The following INF2 variants were observed in gnomAD, a reference collection of about 807,000 sequenced individuals.
INF2 encodes inverted formin-2.
A neutral mutation model predicts 123.5 loss-of-function variants in INF2; 43 were observed. The ratio of observed to expected loss-of-function variants is 0.35; its 90% CI spans 0.27 to 0.45. The LOEUF is 0.45. Among genes scored for constraint, INF2 ranks in the 20% least tolerant of loss-of-function variants. The pLI is 1.00. For missense variants in INF2, 1,453 were observed against 1,682.7 expected, an observed-to-expected ratio of 0.86 and a Z score of 2.39; for synonymous variants, 851 against 745.0, an observed-to-expected ratio of 1.14 and a Z score of -2.32.
chr14:104,698,189 G>A (rs1889286069), intron 1 of INF2, among the ~76,000 whole-genome samples: 3 of 152,254 alleles, frequency 2.0e-5, no homozygotes, highest in African/African-American at 7.2e-5. Context: ...CTGCCCAGGG[G>A]CACACAGCTC....
intron 19 of INF2, 28 bp from the exon 20 acceptor site, chr14:104,713,417 C>T (rs199895122): frequency 1.8e-5 from 29 of 1,602,650 alleles, no homozygotes; most frequent in East Asian, 4.5e-5. Context: ...GGTCCCATGC[C>T]GCTCTCTGAG....
chr14:104,681,566 T>A (rs1480799007), exon 1 of INF2: 1 of 1,288,986 alleles, frequency 7.8e-7, no homozygotes, highest in Middle Eastern at 2.1e-4. Context: ...CCACTTCAAT[T>A]GGAAAATATG....
chr14:104,706,258 T>C (rs188871522), intron 6 of INF2, 82 bp downstream of exon 6: 2 of 1,410,682 alleles, frequency 1.4e-6, no homozygotes, highest in Non-Finnish European at 1.9e-6. Flanking sequence ...CCTGGAACGG[T>C]CCTCCCTGCC....
Position 104,703,454 on chromosome 14 carries a change from G to A in INF2, c.667G>A (p.Gly223Arg), listed in dbSNP as rs1209201341. 5 of 1,611,558 alleles carry A rather than the reference G, an allele frequency of 3.1e-6. No individual in the cohort carries two copies. Among genetic ancestry groups the A allele is most frequent in the African/African-American group, 1.3e-5 (1 of 74,922 alleles). ...CACCCAGCTGCGGAACGAGTTTATC[G>A]GTAAGCACCTGCCCTGGGCCGCATG... ...ARTQLRNEFI[G>R]LQLLDVLARL... Residue 223 changes from glycine to arginine, a missense_variant and splice_region_variant, in exon 4 of 23, where the codon GGG (glycine) becomes AGG (arginine). Physicochemically the swap from Gly to Arg is moderately radical, Grantham distance 125. Transcript: ENST00000392634.
At chr14:104,718,055 T>A (rs1890396436) in intron 22 of INF2, among the ~76,000 whole-genome samples, 1 of 152,242 alleles carries the variant, frequency 6.6e-6, no homozygotes, top group Non-Finnish European at 1.5e-5. Flanking sequence ...CGGGCCTTGG[T>A]CTTGGCCATT....
rs977001355 is a variant in INF2 at position 104,712,425 on chromosome 14, C to T, written c.2490-8C>T. ...TGCTGTCTCTGCCCGGCCCTCCTCA[C>T]CTTTCAGGATCAACCTGGAGATCAT... On this transcript the variant is annotated splice_region_variant and splice_polypyrimidine_tract_variant and intron_variant, in intron 16 of 22. Coordinates refer to ENST00000392634, the MANE Select transcript of INF2 (RefSeq NM_022489.4). 3.7e-6 allele frequency: 6 copies of T among 1,612,284 alleles called. No homozygotes were observed. The highest frequency in any genetic ancestry group is 1.3e-5 in the African/African-American group (1 of 74,934).
Position 104,694,140 on chromosome 14 carries a change from G to A in INF2, c.-10+4401G>A, listed in dbSNP as rs557019223. On this transcript the variant is annotated intron_variant, in intron 1 of 22. Transcript: ENST00000392634. ...CAACAGTGAGGGGCTGCCTGCAGGA[G>A]CTGGCAGAGCCATGGGCCGGACCCA... 9.9e-4 allele frequency among the ~76,000 whole-genome samples: 151 copies of A among 152,360 alleles called. 1 individual carries two copies. The highest frequency in any genetic ancestry group is 1.7e-3 in the Non-Finnish European group (117 of 68,024).
intron 5 of INF2, chr14:104,704,686 C>T (rs1889692130): frequency 6.5e-6 from 1 of 152,688 alleles, no homozygotes; most frequent in South Asian, 2.1e-4. Flanking sequence ...AAACCAGTCC[C>T]TGGTGCCAAA....
intron 1 of INF2, among the ~76,000 whole-genome samples, chr14:104,692,187 T>C (rs1888983613): frequency 6.6e-6 from 1 of 152,192 alleles, no homozygotes; most frequent in Non-Finnish European, 1.5e-5. Flanking sequence ...TGAGCCAGCC[T>C]GCGGGGTCCC....
chr14:104,703,608 G>T (rs891612433), intron 4 of INF2, among the ~76,000 whole-genome samples, 154 bp downstream of exon 4: 3 of 152,234 alleles, frequency 2.0e-5, no homozygotes, highest in Non-Finnish European at 2.9e-5. Context: ...GCCACCACCT[G>T]CCCCTTCAAT....
chr14:104,682,295 G>T (rs4983525), intron 1 of INF2, among the ~76,000 whole-genome samples: 2 of 151,824 alleles, frequency 1.3e-5, no homozygotes, highest in Admixed American at 1.3e-4. Flanking sequence ...GGGCTTTAGC[G>T]GGGAAGTGCT....
chr14:104,714,586 C>CAGGCCG lies in INF2; in HGVS notation c.3432_3437dup (p.Glu1144_Ala1145dup), dbSNP rs1890204661. 1 of 1,612,526 alleles carries CAGGCCG rather than the reference C, an allele frequency of 6.2e-7. No homozygotes were observed. The highest frequency in any genetic ancestry group is 1.1e-5 in the South Asian group (1 of 91,090). ...TCCCACGTCCTTGCTGGGCGTCCTC[C>CAGGCCG]AGGCCGAGGCCGACAGCACAAGTGA... On this transcript the variant is annotated inframe_insertion, in exon 21 of 23. Transcript: ENST00000392634.
intron 1 of INF2, among the ~76,000 whole-genome samples, chr14:104,682,192 G>A (rs1888540101): frequency 1.3e-5 from 2 of 152,198 alleles, no homozygotes; most frequent in African/African-American, 2.4e-5. Context: ...GAAAGGGAAC[G>A]CTGTGCCGGG....
At chr14:104,693,644 C>T (rs1033997048) in intron 1 of INF2, among the ~76,000 whole-genome samples, 1 of 152,218 alleles carries the variant, frequency 6.6e-6, no homozygotes, top group African/African-American at 2.4e-5. Context: ...CTGCCCAACA[C>T]GCATGGAGTC....
chr14:104,701,795 G>T, intron 2 of INF2, 39 bp downstream of exon 2: 7 of 1,452,520 alleles, frequency 4.8e-6, no homozygotes, highest in Non-Finnish European at 6.3e-6. Context: ...GGCGGACGCT[G>T]GGGACCTGGT....
chr14:104,710,286 T>G (rs933953752), intron 13 of INF2, 98 bp downstream of exon 13: 1 of 845,534 alleles, frequency 1.2e-6, no homozygotes, highest in East Asian at 2.7e-5. Flanking sequence ...AGTATCATAA[T>G]GGCTGCTAAG....
At chr14:104,709,517 C>T in intron 11 of INF2, 103 bp from the exon 12 acceptor site, 1 of 1,314,304 alleles carries the variant, frequency 7.6e-7, no homozygotes, top group Non-Finnish European at 1.1e-6. Flanking sequence ...CCGTGAGCCA[C>T]AGGGAGCCAT....
intron 2 of INF2, among the ~76,000 whole-genome samples, chr14:104,702,846 C>T (rs574225469): frequency 8.3e-4 from 127 of 152,356 alleles, no homozygotes; most frequent in African/African-American, 3.0e-3. Flanking sequence ...AAGCTGGGCC[C>T]AGAGCCAGTG....
rs1357610036 is a variant in INF2 at position 104,700,922 on chromosome 14, G to A, written c.-9-435G>A. 6 of 951,116 alleles carry A rather than the reference G, an allele frequency of 6.3e-6. No individual in the cohort carries two copies. In the Admixed American group the frequency reaches 1.8e-4, roughly 29 times the overall value. The allele number at this position is 951,116 out of a possible 1,614,324, so 58.9% of individuals were successfully genotyped here. On this transcript the variant is annotated intron_variant, in intron 1 of 22. Coordinates refer to ENST00000392634, the MANE Select transcript of INF2 (RefSeq NM_022489.4). ...GGGCGGGGGAAGTGCCCTGGGGTGA[G>A]ATAAGGCAGCCTCAGATGCGCCGTT...
Sources: gnomAD v4.1 joint callset for allele counts (sites outside exome capture counted in the v4.1 genomes callset) on GRCh38, gnomAD v4.1.1 for gene constraint, MANE v1.5 for transcripts, NCBI Gene and HGNC (gene_info 2026-07-23, HGNC 2026-07-21) for gene names.